WDR73: variants seen among roughly 807,000 people sequenced by gnomAD.
WDR73 encodes integrator complex assembly factor WDR73.
In WDR73, 30 loss-of-function variants were observed where a neutral mutation model predicts 38.2. The observed-to-expected ratio is 0.79, with a 90% confidence interval of 0.59 to 1.06. The LOEUF (loss-of-function observed/expected upper bound fraction) is 1.06, where lower values mean the gene tolerates loss of function less well. WDR73 is among the 50% of genes least tolerant of loss of function. WDR73 has a pLI of 0.00. For synonymous variants in WDR73, 197 were observed against 176.0 expected, an observed-to-expected ratio of 1.12 and a Z score of -0.94; for missense variants, 487 against 467.0, an observed-to-expected ratio of 1.04 and a Z score of -0.40.
chr15:84,651,731 T>C (rs748606353), intron 3 of WDR73, among the ~76,000 whole-genome samples: 1 of 152,222 alleles, frequency 6.6e-6, no homozygotes, highest in Non-Finnish European at 1.5e-5. Context: ...CTTTAGCTTC[T>C]TCCCTCCCTA....
chr15:84,646,292 G>T lies in WDR73; in HGVS notation c.409C>A (p.Pro137Thr), dbSNP rs765623706. 2 of 1,613,938 alleles carry T rather than the reference G, an allele frequency of 1.2e-6. No individual in the cohort carries two copies. The highest frequency in any genetic ancestry group is 1.7e-6 in the Non-Finnish European group (2 of 1,179,886). Reference sequence around the variant, plus strand: ...AATGTGGAGAAGACGGCCACCCTAGGCCAGAGACTCTCCTCTTTCTCATGC... The same window carrying T: ...AATGTGGAGAAGACGGCCACCCTAGTCCAGAGACTCTCCTCTTTCTCATGC... ...AVHEKEESLW[P>T]RVAVFSTLAP... The change falls in exon 6 of 8, where the codon CCT becomes ACT. Residue 137 changes from proline to threonine, a missense_variant. Coordinates refer to ENST00000434634, the MANE Select transcript of WDR73 (RefSeq NM_032856.5).
Position 84,646,304 on chromosome 15 carries a change from C to T in WDR73, c.397G>A (p.Glu133Lys), listed in dbSNP as rs753159774. 7 of 1,613,812 alleles carry T rather than the reference C, an allele frequency of 4.3e-6. No homozygotes were observed. The highest frequency in any genetic ancestry group is 5.1e-6 in the Non-Finnish European group (6 of 1,179,878). Reference protein sequence around the residue: ...VSTIAVHEKEESLWPRVAVFS... With the variant: ...VSTIAVHEKEKSLWPRVAVFS... ...ACGGCCACCCTAGGCCAGAGACTCT[C>T]CTCTTTCTCATGCACAGCAATGGTG... The change falls in exon 6 of 8, where the codon GAG becomes AAG. Residue 133 changes from glutamate (E) to lysine (K), a missense_variant. Glu to Lys is a moderately conservative substitution (Grantham distance 56). Transcript: ENST00000434634.
chr15:84,648,702 G>C (rs1042387815), intron 3 of WDR73, 77 bp from the exon 4 acceptor site: 6 of 1,181,818 alleles, frequency 5.1e-6, no homozygotes, highest in Non-Finnish European at 7.5e-6. Flanking sequence ...TGAGGAGTCA[G>C]GTCCTAGCCT....
chr15:84,646,208 A>C lies in WDR73; in HGVS notation c.493T>G (p.Ser165Ala). The C allele has an allele frequency of 6.2e-7, 1 of 1,613,642 alleles. No homozygotes were observed. The part of the protein sequence containing the change: ...LRSLQVVDLE[S>A]RKTTYTSDVS... ...CCTGAGGTGTACGTGGTCTTCCGGG[A>C]CTCCAGATCAACGACCTGCAGACTT... Residue 165 changes from serine to alanine, a missense_variant, in exon 6 of 8, where the codon TCC becomes GCC. Physicochemically the swap from Ser to Ala is moderately conservative, Grantham distance 99 (BLOSUM62 1). Coordinates refer to ENST00000434634, the MANE Select transcript of WDR73 (RefSeq NM_032856.5).
chr15:84,652,832 A>G (rs1044615591), intron 2 of WDR73, 30 bp from the exon 3 acceptor site: 18 of 1,380,276 alleles, frequency 1.3e-5, no homozygotes, highest in Non-Finnish European at 1.8e-5. Flanking sequence ...TAGCTGTCAC[A>G]AATTGTTAGA....
At chr15:84,654,023 T>C in intron 1 of WDR73, 1 of 653,188 alleles carries the variant, frequency 1.5e-6, no homozygotes, top group South Asian at 1.9e-5. Flanking sequence ...GCGCGGCTCT[T>C]ACTAGTAATC....
intron 3 of WDR73, among the ~76,000 whole-genome samples, chr15:84,652,219 T>C (rs1371034414): frequency 6.6e-6 from 1 of 152,192 alleles, no homozygotes. Context: ...ACTAACTCTT[T>C]TTTTCTTGAG....
rs1044084724 is a variant in WDR73, at chr15:84,646,489, A to G, written c.353-141T>C. The G allele has an allele frequency of 1.0e-5, 13 of 1,250,538 alleles. No homozygotes were observed. The African/African-American group carries it at 1.1e-4, about 10-fold the overall frequency. The allele number at this position is 1,250,538 out of a possible 1,614,324, so 77.5% of individuals were successfully genotyped here. A position where few individuals can be genotyped will look rare whatever the true frequency, so the allele number is the denominator to read the frequency against. Reference sequence around the variant, plus strand: ...GGCTGGCAAGAGATGATGTTGAGACATAACTACTCTGGCTTATGTTTACAT... The same window carrying G: ...GGCTGGCAAGAGATGATGTTGAGACGTAACTACTCTGGCTTATGTTTACAT... On this transcript the variant is annotated intron_variant, in intron 5 of 7. Coordinates refer to ENST00000434634, the MANE Select transcript of WDR73 (RefSeq NM_032856.5).
At chr15:84,652,858 G>T in intron 2 of WDR73, 56 bp from the exon 3 acceptor site, 1 of 1,068,378 alleles carries the variant, frequency 9.4e-7, no homozygotes, top group East Asian at 2.7e-5. Context: ...TGCAGACCAT[G>T]CAATCCCCCG....
chr15:84,649,410 G>A (rs977466542), intron 3 of WDR73, among the ~76,000 whole-genome samples: 5 of 152,022 alleles, frequency 3.3e-5, no homozygotes, highest in Non-Finnish European at 5.9e-5. Flanking sequence ...AGAACACTAG[G>A]TGCTACCCTA....
At chr15:84,648,707 T>C (rs1896537701) in intron 3 of WDR73, 82 bp from the exon 4 acceptor site, 3 of 1,140,824 alleles carry the variant, frequency 2.6e-6, no homozygotes, top group Non-Finnish European at 3.9e-6. Context: ...AGTCAGGTCC[T>C]AGCCTGGCAG....
At chr15:84,648,471 C>T in intron 4 of WDR73, 66 bp downstream of exon 4, 1 of 1,181,422 alleles carries the variant, frequency 8.5e-7, no homozygotes, top group Non-Finnish European at 1.3e-6. Context: ...GGCAGAATAC[C>T]CCCAGGCATT....
intron 5 of WDR73, chr15:84,647,682 G>C: frequency 1.7e-6 from 1 of 572,634 alleles, no homozygotes. Flanking sequence ...ATTTTTAATA[G>C]AGACAGGTTT....
chr15:84,651,637 T>C (rs538955490), intron 3 of WDR73, among the ~76,000 whole-genome samples: 1 of 152,280 alleles, frequency 6.6e-6, no homozygotes, highest in East Asian at 1.9e-4. Flanking sequence ...TCTTCAAGGG[T>C]TACTTTCCCA....
chr15:84,653,110 G>A (rs1386081105), intron 2 of WDR73: 1 of 257,152 alleles, frequency 3.9e-6, no homozygotes, highest in East Asian at 8.0e-5. Context: ...GTAGAGACAG[G>A]GTTTCCTTGC....
At position 84,643,662 on chromosome 15, in the gene WDR73, ATCTTGGCTCCGTGT is replaced by A; in HGVS notation, c.931_944del (p.Thr311TrpfsTer48). ...GAGGTTCTACTTGGCTCCGTGTTCCATCTTGGCTCCGTGTTCCATCCCAAGATGTGGCATCATAG... is the reference window on the plus strand; with the variant it reads ...GAGGTTCTACTTGGCTCCGTGTTCCATCCATCCCAAGATGTGGCATCATAG... On this transcript the variant is annotated frameshift_variant, in exon 8 of 8. Coordinates refer to ENST00000434634, the MANE Select transcript of WDR73 (RefSeq NM_032856.5). LOFTEE classifies it high-confidence loss of function. The A allele has an allele frequency of 2.8e-6, 3 of 1,068,984 alleles. No homozygotes were observed. The highest frequency in any genetic ancestry group is 3.9e-6 in the Non-Finnish European group (3 of 763,594). 66.2% of individuals were successfully genotyped at this position (1,068,984 alleles called of 1,614,324 possible).
rs552356268 is a variant in WDR73 at position 84,653,473 on chromosome 15, G to C, written c.109+159C>G. On this transcript the variant is annotated intron_variant, in intron 2 of 7. Transcript: ENST00000434634. ...GCGTGAACCACTGCTCCCGGTCAGA[G>C]ATCTTAATAAGAGGAATATTAGTGC... 123 of 588,462 alleles carry C rather than the reference G, an allele frequency of 2.1e-4. 3 individuals carry two copies. Among genetic ancestry groups the C allele is most frequent in the South Asian group, 2.0e-3 (103 of 52,128 alleles). 36.5% of individuals were successfully genotyped at this position (588,462 alleles called of 1,614,324 possible). A position where few individuals can be genotyped will look rare whatever the true frequency, so the allele number is the denominator to read the frequency against.
Position 84,646,361 on chromosome 15 carries a change from G to A in WDR73, c.353-13C>T, listed in dbSNP as rs777548551. On this transcript the variant is annotated splice_polypyrimidine_tract_variant and intron_variant, in intron 5 of 7. Transcript: ENST00000434634. ...GCTTTAATGACATCTAGGGGAAAACGAAGAGGCCAAAATCCAGAACTTTAA... is the reference window on the plus strand; with the variant it reads ...GCTTTAATGACATCTAGGGGAAAACAAAGAGGCCAAAATCCAGAACTTTAA... 22 of 1,599,274 alleles carry A rather than the reference G, an allele frequency of 1.4e-5. No individual in the cohort carries two copies. The highest frequency in any genetic ancestry group is 6.7e-5 in the East Asian group (3 of 44,532).
intron 7 of WDR73, chr15:84,643,956 T>G (rs1896357803): frequency 2.3e-6 from 1 of 433,042 alleles, no homozygotes; most frequent in Non-Finnish European, 4.0e-6. Flanking sequence ...GGCTATTGGA[T>G]GAGGAATCAA....
Sources: gnomAD v4.1 joint callset for allele counts (sites outside exome capture counted in the v4.1 genomes callset) on GRCh38, gnomAD v4.1.1 for gene constraint, MANE v1.5 for transcripts, NCBI Gene and HGNC (gene_info 2026-07-23, HGNC 2026-07-21) for gene names.